SP3: variants seen among roughly 807,000 people sequenced by gnomAD.
SP3 encodes the protein Sp3 transcription factor.
Under a neutral mutation model 70.3 loss-of-function variants are expected in SP3, and 10 were observed. The observed-to-expected ratio is 0.14, with a 90% CI of 0.09 to 0.24. The LOEUF (loss-of-function observed/expected upper bound fraction) is 0.24, where lower values mean the gene tolerates loss of function less well. SP3 is among the 10% of genes least tolerant of loss of function. The pLI is 1.00. For missense variants in SP3, 825 were observed against 914.6 expected (o/e 0.90, Z 1.26); for synonymous variants, 402 against 333.5 (o/e 1.21, Z -2.24).
chr2:173,952,367 C>A (rs778494822), intron 4 of SP3, among the ~76,000 whole-genome samples: 101 of 151,950 alleles, frequency 6.6e-4, no homozygotes, highest in Non-Finnish European at 1.2e-3. Flanking sequence ...AACTACAAAC[C>A]AAAACCATAA....
chr2:173,959,385 G>T (rs77881246), intron 3 of SP3, among the ~76,000 whole-genome samples: 2,613 of 151,472 alleles, frequency 0.017, 84 homozygotes, highest in African/African-American at 0.06. Context: ...TTTGATGTTA[G>T]ACTACTGGAA....
In SP3 at chr2:173,905,688, AC is replaced by A. The variant is rs1689296711; in HGVS notation, c.*4252del. On this transcript the variant is annotated 3_prime_UTR_variant, in exon 7 of 7. Coordinates refer to ENST00000310015, the MANE Select transcript of SP3 (RefSeq NM_003111.5). The stretch of plus-strand genomic sequence containing the variant: ...AAAAGCCAACATGGGAAAAAAAAAA[AC>A]CTTGTATACCCTTTAGACTCCAGAT... Among the ~76,000 whole-genome samples, 1 of 152,060 alleles carries A rather than the reference AC, an allele frequency of 6.6e-6. No homozygotes were observed.
intron 4 of SP3, among the ~76,000 whole-genome samples, chr2:173,933,173 T>C (rs1285703398): frequency 3.3e-5 from 5 of 152,038 alleles, no homozygotes; most frequent in African/African-American, 1.2e-4. Context: ...CACAATAAGA[T>C]AAAGCATGCC....
upstream of SP3, chr2:173,965,612 GC>G (rs1691272248): frequency 4.7e-6 from 1 of 211,206 alleles, no homozygotes; most frequent in Non-Finnish European, 9.7e-6. Flanking sequence ...CCGCTGCCAG[GC>G]CCGAGGCGCA....
rs1248226784 is a variant in SP3, at chr2:173,907,318, C to T, written c.*2623G>A. 6.6e-6 allele frequency: 1 copy of T among 152,032 alleles called. No individual in the cohort carries two copies. 9.4% of individuals were successfully genotyped at this position (152,032 alleles called of 1,614,324 possible). A position where few individuals can be genotyped will look rare whatever the true frequency, so the allele number is the denominator to read the frequency against. On this transcript the variant is annotated 3_prime_UTR_variant, in exon 7 of 7. Coordinates refer to ENST00000310015, the MANE Select transcript of SP3 (RefSeq NM_003111.5). ...CCTACCCTGAGAATTATACACAATA[C>T]TAATAGGTTTTATAACCAGAAAAAG...
At chr2:173,917,689 T>G (rs1423534478) in intron 5 of SP3, among the ~76,000 whole-genome samples, 1 of 152,108 alleles carries the variant, frequency 6.6e-6, no homozygotes, top group Non-Finnish European at 1.5e-5. Context: ...GACAAGGGAT[T>G]TGGTTAAGTA....
intron 1 of SP3, chr2:173,964,791 C>A: frequency 2.2e-6 from 1 of 456,318 alleles, no homozygotes; most frequent in South Asian, 3.7e-5. Flanking sequence ...CTCCTCCTCC[C>A]CGCGCTGCCC....
Position 173,965,346 on chromosome 2 carries a change from C to T in SP3, c.-175G>A. On this transcript the variant is annotated 5_prime_UTR_variant, in exon 1 of 7. Coordinates refer to ENST00000310015, the MANE Select transcript of SP3 (RefSeq NM_003111.5). ...GCGGGAAACACAAAAGGTGGAGCCT[C>T]CAGCCCAAAAGGGGGGAAGAGGGTG... 1.4e-6 allele frequency: 1 copy of T among 728,210 alleles called. No individual in the cohort carries two copies. Among genetic ancestry groups the T allele is most frequent in the East Asian group, 2.9e-5 (1 of 34,218 alleles). 45.1% of individuals were successfully genotyped at this position (728,210 alleles called of 1,614,324 possible). A position where few individuals can be genotyped will look rare whatever the true frequency, so the allele number is the denominator to read the frequency against.
At chr2:173,937,664 A>G (rs1690244546) in intron 4 of SP3, among the ~76,000 whole-genome samples, 1 of 152,220 alleles carries the variant, frequency 6.6e-6, no homozygotes, top group South Asian at 2.1e-4. Flanking sequence ...CAAATTTTCT[A>G]CTCATTAAAA....
intron 4 of SP3, among the ~76,000 whole-genome samples, chr2:173,930,442 T>G (rs1690036899): frequency 6.6e-6 from 1 of 152,190 alleles, no homozygotes; most frequent in South Asian, 2.1e-4. Flanking sequence ...AGTAATTGCT[T>G]CTTCTAATCC....
At chr2:173,920,654 G>A (rs1689727593) in intron 4 of SP3, among the ~76,000 whole-genome samples, 1 of 151,846 alleles carries the variant, frequency 6.6e-6, no homozygotes, top group African/African-American at 2.4e-5. Flanking sequence ...GTGGTGGCGT[G>A]ACCTCGGCTC....
chr2:173,908,302 A>G lies in SP3; in HGVS notation c.*1639T>C, dbSNP rs1234350138. 1 of 152,262 alleles carries G rather than the reference A, an allele frequency of 6.6e-6. No homozygotes were observed. Among genetic ancestry groups the G allele is most frequent in the East Asian group, 1.9e-4 (1 of 5,208 alleles). The allele number at this position is 152,262 out of a possible 1,614,324, so 9.4% of individuals were successfully genotyped here. A position where few individuals can be genotyped will look rare whatever the true frequency, so the allele number is the denominator to read the frequency against. On this transcript the variant is annotated 3_prime_UTR_variant, in exon 7 of 7. Coordinates refer to ENST00000310015, the MANE Select transcript of SP3 (RefSeq NM_003111.5). ...GAATCAATGTGGGCTAAGGGCTAAG[A>G]CTTTTTTTCAAAAATTTTATTTAAT...
At chr2:173,924,086 T>C (rs1346953013) in intron 4 of SP3, among the ~76,000 whole-genome samples, 2 of 152,054 alleles carry the variant, frequency 1.3e-5, no homozygotes, top group African/African-American at 4.8e-5. Context: ...CCAAATATAA[T>C]AATAATTTTA....
chr2:173,965,484 C>T, upstream of SP3: 1 of 337,940 alleles, frequency 3.0e-6, no homozygotes, highest in Non-Finnish European at 5.4e-6. Context: ...AGGCGGCGCG[C>T]TTCCTGTTTG....
rs958112493 is a variant in SP3 at position 173,907,079 on chromosome 2, T to C, written c.*2862A>G. 1.3e-5 allele frequency: 2 copies of C among 152,186 alleles called. No homozygotes were observed. The highest frequency in any genetic ancestry group is 2.9e-5 in the Non-Finnish European group (2 of 68,008). The allele number at this position is 152,186 out of a possible 1,614,324, so 9.4% of individuals were successfully genotyped here. A position where few individuals can be genotyped will look rare whatever the true frequency, so the allele number is the denominator to read the frequency against. Reference sequence around the variant, plus strand: ...AGCTCCTTTAAAAGGTTATGTGCTTTTTGGTTGAGTCACTTTTCAGTAATT... The same window carrying C: ...AGCTCCTTTAAAAGGTTATGTGCTTCTTGGTTGAGTCACTTTTCAGTAATT... On this transcript the variant is annotated 3_prime_UTR_variant, in exon 7 of 7. Transcript: ENST00000310015.
intron 4 of SP3, among the ~76,000 whole-genome samples, chr2:173,949,136 G>C (rs1690633254): frequency 6.6e-6 from 1 of 152,072 alleles, no homozygotes; most frequent in South Asian, 2.1e-4. Flanking sequence ...ACTCTAAAAA[G>C]ACCACATTTC....
chr2:173,964,702 G>C, intron 1 of SP3, 149 bp from the exon 2 acceptor site: 1 of 416,670 alleles, frequency 2.4e-6, no homozygotes, highest in Non-Finnish European at 4.3e-6. Context: ...GGCGGCGGCG[G>C]CGGCTCCCTC....
intron 4 of SP3, among the ~76,000 whole-genome samples, chr2:173,933,600 T>C (rs1690126093): frequency 7.2e-6 from 1 of 138,308 alleles, no homozygotes; most frequent in African/African-American, 2.7e-5. Context: ...ACCAGAAATA[T>C]TAGGAAGACA....
chr2:173,956,844 T>G (rs1574425609), intron 3 of SP3, among the ~76,000 whole-genome samples: 1 of 152,174 alleles, frequency 6.6e-6, no homozygotes, highest in East Asian at 1.9e-4. Flanking sequence ...CGTAGCCCCA[T>G]TTGAAAGGTT....
Sources: allele counts gnomAD v4.1 joint callset (sites outside exome capture counted in the v4.1 genomes callset), GRCh38; gene constraint gnomAD v4.1.1; transcripts MANE v1.5; gene names NCBI Gene and HGNC (gene_info 2026-07-23, HGNC 2026-07-21).